Variants in USP38 observed in about 807,000 individuals in gnomAD.
The protein encoded by USP38 is ubiquitin specific peptidase 38.
A neutral mutation model predicts 94.3 loss-of-function variants in USP38; 49 were observed. That is an observed-to-expected ratio of 0.52 (90% CI 0.41 to 0.66). The LOEUF (loss-of-function observed/expected upper bound fraction) is 0.66. Ranked by LOEUF, USP38 falls within the 30% of genes least tolerant of loss-of-function variation. USP38 has a pLI of 0.00. For missense variants in USP38, 1,128 were observed against 1,229.4 expected (o/e 0.92, Z 1.23); for synonymous variants, 468 against 463.6 (o/e 1.01, Z -0.12).
intron 2 of USP38, among the ~76,000 whole-genome samples, chr4:143,192,688 CA>C (rs1236182772): frequency 6.6e-6 from 1 of 151,984 alleles, no homozygotes. Context: ...CCTCTAATCC[CA>C]CTCACTAGTC....
At chr4:143,194,318 A>C (rs1016010774) in intron 2 of USP38, among the ~76,000 whole-genome samples, 3 of 152,226 alleles carry the variant, frequency 2.0e-5, no homozygotes, top group African/African-American at 7.2e-5. Context: ...TGTAATTTAC[A>C]GGTGAGGAAA....
At chr4:143,211,841 C>T (rs1732032925) in intron 7 of USP38, among the ~76,000 whole-genome samples, 1 of 152,110 alleles carries the variant, frequency 6.6e-6, no homozygotes, top group Non-Finnish European at 1.5e-5. Flanking sequence ...TGTATCTGCT[C>T]AAGGAAATTT....
At chr4:143,203,303 GA>G (rs1731766757) in intron 4 of USP38, 104 bp from the exon 5 acceptor site, 1 of 1,149,114 alleles carries the variant, frequency 8.7e-7, no homozygotes, top group African/African-American at 1.6e-5. Flanking sequence ...TGCACATACA[GA>G]AAAGTATCTG....
intron 2 of USP38, among the ~76,000 whole-genome samples, chr4:143,190,205 T>C (rs1235359185): frequency 2.0e-5 from 3 of 152,130 alleles, no homozygotes; most frequent in African/African-American, 7.2e-5. Context: ...TTACAGATTT[T>C]ACAGCTGGAA....
intron 9 of USP38, among the ~76,000 whole-genome samples, chr4:143,219,311 T>C (rs1188595247): frequency 6.6e-6 from 1 of 152,038 alleles, no homozygotes; most frequent in African/African-American, 2.4e-5. Flanking sequence ...GGTGTCAGGG[T>C]ATGCCTGGGT....
At chr4:143,200,084 T>A (rs1731668789) in intron 4 of USP38, among the ~76,000 whole-genome samples, 1 of 151,998 alleles carries the variant, frequency 6.6e-6, no homozygotes, top group Non-Finnish European at 1.5e-5. Context: ...TCTTCCAGGG[T>A]TTTTAAAGTT....
intron 3 of USP38, among the ~76,000 whole-genome samples, chr4:143,196,233 G>A (rs915649428): frequency 6.6e-6 from 1 of 152,186 alleles, no homozygotes; most frequent in African/African-American, 2.4e-5. Context: ...TTGAATCTGA[G>A]AGGCAGAGGT....
intron 9 of USP38, among the ~76,000 whole-genome samples, chr4:143,218,412 A>G (rs761099784): frequency 1.1e-4 from 16 of 152,220 alleles, no homozygotes; most frequent in African/African-American, 3.1e-4. Context: ...TAATTTTGAC[A>G]TTGTACACAA....
chr4:143,185,347 G>A lies in USP38; in HGVS notation c.-104G>A. The A allele has an allele frequency of 7.6e-7, 1 of 1,308,250 alleles. No individual in the cohort carries two copies. Among genetic ancestry groups the A allele is most frequent in the Non-Finnish European group, 1.0e-6 (1 of 973,150 alleles). The allele number at this position is 1,308,250 out of a possible 1,614,324, so 81.0% of individuals were successfully genotyped here. On this transcript the variant is annotated 5_prime_UTR_variant, in exon 1 of 10. Transcript: ENST00000307017. ...GGCCGTGGCCCGTCGCGCTGCTGCT[G>A]CGGCGCTCCAAGTTCATCTCCGCCC...
rs1290162165 is a variant in USP38, at chr4:143,186,104, A to G, written c.654A>G (p.Gln218=). Residue 218 remains glutamine, a synonymous_variant, in exon 1 of 10, where the codon CAA becomes CAG. Transcript: ENST00000307017. ...CTGCCACACTACTGCCTTCCCTGCA[A>G]GAAGTTTTTGCAAGCATCTCTTCCA... ...AEPATLLPSL[Q]EVFASISSTD... 36 of 1,614,030 alleles carry G rather than the reference A, an allele frequency of 2.2e-5. No individual in the cohort carries two copies. Among genetic ancestry groups the G allele is most frequent in the Non-Finnish European group, 2.5e-5 (30 of 1,179,998 alleles).
Position 143,209,661 on chromosome 4 carries a change from A to AGT in USP38, c.1497+9_1497+10dup. The stretch of plus-strand genomic sequence containing the variant: ...TGCCTTTCTGGCCCATACACAGGTG[A>AGT]GTGTGTATGTGTATATAGTACGTTT... On this transcript the variant is annotated splice_donor_region_variant and intron_variant, in intron 7 of 9. Coordinates refer to ENST00000307017, the MANE Select transcript of USP38 (RefSeq NM_032557.6). 6.4e-7 allele frequency: 1 copy of AGT among 1,555,666 alleles called. No individual in the cohort carries two copies. Among genetic ancestry groups the AGT allele is most frequent in the Non-Finnish European group, 8.9e-7 (1 of 1,129,592 alleles).
Position 143,186,088 on chromosome 4 carries a change from T to A in USP38, c.638T>A (p.Leu213Gln). 6.2e-7 allele frequency: 1 copy of A among 1,614,210 alleles called. No homozygotes were observed. Among genetic ancestry groups the A allele is most frequent in the Non-Finnish European group, 8.5e-7 (1 of 1,180,032 alleles). The change falls in exon 1 of 10, where the codon CTA (leucine) becomes CAA (glutamine). Residue 213 changes from leucine to glutamine, a missense_variant. Physicochemically the swap from Leu to Gln is moderately radical, Grantham distance 113. Coordinates refer to ENST00000307017, the MANE Select transcript of USP38 (RefSeq NM_032557.6). The stretch of plus-strand genomic sequence containing the variant: ...ATCTGGAAGGCCGAGCCTGCCACAC[T>A]ACTGCCTTCCCTGCAAGAAGTTTTT... ...QNIWKAEPATLLPSLQEVFAS... is the reference protein window; with the variant it reads ...QNIWKAEPATQLPSLQEVFAS...
At position 143,220,752 on chromosome 4, in the gene USP38, G is replaced by A. The variant is rs1014445297; in HGVS notation, c.*296G>A. 1 of 204,482 alleles carries A rather than the reference G, an allele frequency of 4.9e-6. No homozygotes were observed. Among genetic ancestry groups the A allele is most frequent in the African/African-American group, 2.3e-5 (1 of 43,438 alleles). The allele number at this position is 204,482 out of a possible 1,614,324, so 12.7% of individuals were successfully genotyped here. A position where few individuals can be genotyped will look rare whatever the true frequency, so the allele number is the denominator to read the frequency against. On this transcript the variant is annotated 3_prime_UTR_variant, in exon 10 of 10. Coordinates refer to ENST00000307017, the MANE Select transcript of USP38 (RefSeq NM_032557.6). ...TTAAGCTGCGTTAAATTTGGTAGAAGCATTTAAATGGTCTATCTTCAGTTT... is the reference window on the plus strand; with the variant it reads ...TTAAGCTGCGTTAAATTTGGTAGAAACATTTAAATGGTCTATCTTCAGTTT...
rs534429971 is a variant in USP38, at chr4:143,221,999, C to T, written c.*1543C>T. Reference sequence around the variant, plus strand: ...TGAATGAACCAGTTATCATGCTTTTCTGTGGTTTTCCTATCCCAATAGTGA... The same window carrying T: ...TGAATGAACCAGTTATCATGCTTTTTTGTGGTTTTCCTATCCCAATAGTGA... On this transcript the variant is annotated 3_prime_UTR_variant, in exon 10 of 10. Coordinates refer to ENST00000307017, the MANE Select transcript of USP38 (RefSeq NM_032557.6). 7.1e-4 allele frequency: 108 copies of T among 152,120 alleles called. 1 individual carries two copies. Among genetic ancestry groups the T allele is most frequent in the African/African-American group, 2.6e-3 (106 of 41,540 alleles). The allele number at this position is 152,120 out of a possible 1,614,324, so 9.4% of individuals were successfully genotyped here.
chr4:143,201,810 G>A (rs866294649), intron 4 of USP38, among the ~76,000 whole-genome samples: 1 of 152,016 alleles, frequency 6.6e-6, no homozygotes, highest in Non-Finnish European at 1.5e-5. Flanking sequence ...TTATAATAAT[G>A]TCAAGAAACA....
rs1452847499 is a variant in USP38 at position 143,213,906 on chromosome 4, G to A, written c.1930G>A (p.Gly644Ser). The A allele has an allele frequency of 4.3e-6, 7 of 1,613,674 alleles. No homozygotes were observed. The highest frequency in any genetic ancestry group is 1.1e-5 in the South Asian group (1 of 91,084). ...ATCATCACCCAGTATACAAGATGGT[G>A]GTCTAATGCAAGCCTCTGTACCCGG... ...PASSPSIQDG[G>S]LMQASVPGPS... is the part of the protein sequence containing the mutation. Residue 644 changes from glycine to serine, a missense_variant, in exon 9 of 10, where the codon GGT (glycine) becomes AGT (serine). Gly to Ser is a moderately conservative substitution (Grantham distance 56). Coordinates refer to ENST00000307017, the MANE Select transcript of USP38 (RefSeq NM_032557.6).
In USP38 at chr4:143,214,660, GTCCCAGTGCAGT is replaced by G; in HGVS notation, c.2686_2697del (p.Pro896_Val899del). The G allele has an allele frequency of 6.2e-7, 1 of 1,613,702 alleles. No homozygotes were observed. Among genetic ancestry groups the G allele is most frequent in the Non-Finnish European group, 8.5e-7 (1 of 1,179,802 alleles). ...CAGAGTCATTTACTAGGGAGAGATA[GTCCCAGTGCAGT>G]TTTTGAACAGGATTTGGAAAATAAG... is the stretch of plus-strand genomic sequence containing the variant. On this transcript the variant is annotated inframe_deletion, in exon 9 of 10. Coordinates refer to ENST00000307017, the MANE Select transcript of USP38 (RefSeq NM_032557.6).
At chr4:143,220,247 C>T (rs750548350) in intron 9 of USP38, 48 bp from the exon 10 acceptor site, 3 of 1,533,026 alleles carry the variant, frequency 2.0e-6, no homozygotes, top group South Asian at 2.4e-5. Flanking sequence ...ATATAACGAT[C>T]CATTGTATTT....
chr4:143,203,492 G>T lies in USP38; in HGVS notation c.1135G>T (p.Glu379Ter). 1 of 1,613,190 alleles carries T rather than the reference G, an allele frequency of 6.2e-7. No homozygotes were observed. The change falls in exon 5 of 10, where the codon GAA becomes TAA. Residue 379 changes from glutamate to a stop codon, truncating the protein, a stop_gained. Transcript: ENST00000307017. LOFTEE classifies it high-confidence loss of function. Reference sequence around the variant, plus strand: ...TACAGCCTTCTTAGTACAATTAACAGAATTGATACACTGTATGATGTATCA... The same window carrying T: ...TACAGCCTTCTTAGTACAATTAACATAATTGATACACTGTATGATGTATCA... ...SSTAFLVQLT[E>*]LIHCMMYHYS...
Sources: gnomAD v4.1 joint callset for allele counts (sites outside exome capture counted in the v4.1 genomes callset) on GRCh38, gnomAD v4.1.1 for gene constraint, MANE v1.5 for transcripts, NCBI Gene and HGNC (gene_info 2026-07-23, HGNC 2026-07-21) for gene names.